Variants in TANC1 observed in about 807,000 individuals in gnomAD.
The protein encoded by TANC1 is tetratricopeptide repeat, ankyrin repeat and coiled-coil containing 1.
In TANC1, 77 loss-of-function variants were observed where a neutral mutation model predicts 149.7. That is an observed-to-expected ratio of 0.51 (90% CI 0.43 to 0.62). The LOEUF (loss-of-function observed/expected upper bound fraction) is 0.62. Ranked by LOEUF, TANC1 falls within the 20% of genes least tolerant of loss-of-function variation. The pLI is 0.00. For synonymous variants in TANC1, 854 were observed against 925.0 expected (o/e 0.92, Z 1.39); for missense variants, 1,985 against 2,321.8 (o/e 0.85, Z 2.98).
chr2:158,987,632 C>T (rs2035164259), intron 1 of TANC1, among the ~76,000 whole-genome samples: 1 of 152,210 alleles, frequency 6.6e-6, no homozygotes, highest in Admixed American at 6.5e-5. Context: ...TCCCCTTCCC[C>T]TCTGTCATGC....
At chr2:159,153,416 C>A (rs2053076840) in intron 7 of TANC1, among the ~76,000 whole-genome samples, 1 of 152,206 alleles carries the variant, frequency 6.6e-6, no homozygotes, top group African/African-American at 2.4e-5. Flanking sequence ...GCTGGTAAGT[C>A]CCTCTCATCC....
chr2:159,020,919 C>G (rs1427849187), intron 2 of TANC1, among the ~76,000 whole-genome samples: 1 of 151,426 alleles, frequency 6.6e-6, no homozygotes, highest in South Asian at 2.1e-4. Context: ...TTTTAGATAC[C>G]GTGGTGCTTC....
At chr2:159,039,208 AT>A (rs1004645038) in intron 2 of TANC1, among the ~76,000 whole-genome samples, 99 of 152,166 alleles carry the variant, frequency 6.5e-4, no homozygotes, top group African/African-American at 2.3e-3. Context: ...CCCCTTTATC[AT>A]TTTTTATTGC....
intron 13 of TANC1, among the ~76,000 whole-genome samples, chr2:159,178,278 T>C (rs2056095303): frequency 6.6e-6 from 1 of 152,262 alleles, no homozygotes; most frequent in African/African-American, 2.4e-5. Context: ...TCGTTGCCGC[T>C]GTCTGCACAG....
rs1361302403 is a variant in TANC1 at position 159,178,804 on chromosome 2, C to T, written c.2151C>T (p.Gly717=). ...TCACCCTGGACCTTTTCCAGAGGGGCCACTTGGTCATTAAGAGTGCCAGCT... is the reference window on the plus strand; with the variant it reads ...TCACCCTGGACCTTTTCCAGAGGGGTCACTTGGTCATTAAGAGTGCCAGCT... ...LKLTLDLFQR[G]HLVIKSASYK... is the part of the protein sequence containing the mutation. The change falls in exon 14 of 27, where the codon GGC becomes GGT. Residue 717 remains glycine (G), a synonymous_variant. Coordinates refer to ENST00000263635, the MANE Select transcript of TANC1 (RefSeq NM_033394.3). 1.2e-6 allele frequency: 2 copies of T among 1,614,220 alleles called. No individual in the cohort carries two copies. Among genetic ancestry groups the T allele is most frequent in the African/African-American group, 1.3e-5 (1 of 75,052 alleles).
chr2:159,194,464 G>T lies in TANC1; in HGVS notation c.2950G>T (p.Val984Leu). 6.2e-7 allele frequency: 1 copy of T among 1,614,244 alleles called. No individual in the cohort carries two copies. The highest frequency in any genetic ancestry group is 8.5e-7 in the Non-Finnish European group (1 of 1,180,038). ...YAAAAGHMKL[V>L]CLLTKKGVRV... ...AGCAGCTGCTGGCCACATGAAGCTG[G>T]TGTGTCTGCTGACCAAGAAGGGAGT... The change falls in exon 17 of 27, where the codon GTG becomes TTG. Residue 984 changes from valine (V) to leucine (L), a missense_variant. By Grantham distance (32) the Val-to-Leu change is conservative. Coordinates refer to ENST00000263635, the MANE Select transcript of TANC1 (RefSeq NM_033394.3).
chr2:159,176,255 G>A, intron 12 of TANC1, 97 bp from the exon 13 acceptor site: 1 of 638,452 alleles, frequency 1.6e-6, no homozygotes, highest in Non-Finnish European at 2.5e-6. Flanking sequence ...AACCTTTTTA[G>A]TTTCTAACAC....
Position 158,998,636 on chromosome 2 carries a change from C to T in TANC1, c.-125-2444C>T, listed in dbSNP as rs6753806. On this transcript the variant is annotated intron_variant, in intron 1 of 26. Transcript: ENST00000263635. The stretch of plus-strand genomic sequence containing the variant: ...GTGATTGGGTGACCCACTGGACTGA[C>T]GTGGATCTGTACTTGTGGGTGCTGG... Among the ~76,000 whole-genome samples the T allele has an allele frequency of 6.0e-3, 921 of 152,270 alleles. 4 individuals carry two copies. Among genetic ancestry groups the T allele is most frequent in the African/African-American group, 0.021 (873 of 41,538 alleles).
At chr2:159,130,648 T>C (rs2049980707) in intron 4 of TANC1, among the ~76,000 whole-genome samples, 1 of 152,214 alleles carries the variant, frequency 6.6e-6, no homozygotes, top group South Asian at 2.1e-4. Context: ...ATGTCCCTTG[T>C]GCCAGTATCC....
At chr2:159,099,594 C>T (rs997008153) in intron 4 of TANC1, among the ~76,000 whole-genome samples, 3 of 151,778 alleles carry the variant, frequency 2.0e-5, no homozygotes, top group Admixed American at 6.6e-5. Context: ...TGTGTGTGTG[C>T]GCACACATTT....
chr2:159,211,068 A>C (rs2058952806), intron 19 of TANC1, among the ~76,000 whole-genome samples: 2 of 151,830 alleles, frequency 1.3e-5, no homozygotes, highest in South Asian at 4.2e-4. Flanking sequence ...GCAGGGTTTC[A>C]CCATGTTGGC....
chr2:159,091,681 G>A (rs2045559398), intron 3 of TANC1, among the ~76,000 whole-genome samples: 2 of 152,188 alleles, frequency 1.3e-5, no homozygotes, highest in African/African-American at 2.4e-5. Context: ...GATTTTTGAA[G>A]ACAAGGATAT....
intron 5 of TANC1, among the ~76,000 whole-genome samples, chr2:159,137,624 G>C (rs527618929): frequency 2.6e-5 from 4 of 152,194 alleles, no homozygotes; most frequent in East Asian, 1.9e-4. Flanking sequence ...TTGATTGTGC[G>C]TTCACGTGGG....
Position 159,189,214 on chromosome 2 carries a change from C to T in TANC1, c.2742+2190C>T, listed in dbSNP as rs565514996. 6.6e-5 allele frequency among the ~76,000 whole-genome samples: 10 copies of T among 152,382 alleles called. No homozygotes were observed. In the South Asian group the frequency reaches 2.1e-3, roughly 32 times the overall value. On this transcript the variant is annotated intron_variant, in intron 16 of 26. Transcript: ENST00000263635. ...TGCCTCATCTCTGGAAACAGTGGCT[C>T]TGCTGTAGGCACCTGGGAAGTTTTG...
Position 159,001,806 on chromosome 2 carries a change from C to A in TANC1, c.-16+617C>A, listed in dbSNP as rs2036635993. Among the ~76,000 whole-genome samples, 1 of 152,082 alleles carries A rather than the reference C, an allele frequency of 6.6e-6. No individual in the cohort carries two copies. The highest frequency in any genetic ancestry group is 2.1e-4 in the South Asian group (1 of 4,824). ...CTGGGCTCAACCAGATCCTCACACT[C>A]CAAAGCCCTTGCTTGTAATTGTTAG... On this transcript the variant is annotated intron_variant, in intron 2 of 26. Coordinates refer to ENST00000263635, the MANE Select transcript of TANC1 (RefSeq NM_033394.3). The surrounding 1 kb of genome is among the most constrained non-coding windows in gnomAD (Gnocchi z 4.3).
chr2:159,202,500 T>C (rs1326856704), intron 19 of TANC1, among the ~76,000 whole-genome samples: 4 of 152,174 alleles, frequency 2.6e-5, no homozygotes, highest in African/African-American at 9.7e-5. Flanking sequence ...CATTTGGTTT[T>C]TGTCTGTCCA....
At chr2:159,107,305 G>A (rs1422700996) in intron 4 of TANC1, among the ~76,000 whole-genome samples, 1 of 152,222 alleles carries the variant, frequency 6.6e-6, no homozygotes, top group Non-Finnish European at 1.5e-5. Flanking sequence ...GGGATTACAG[G>A]CGTGAGCCAC....
At position 159,064,505 on chromosome 2, in the gene TANC1, C is replaced by T. The variant is rs897460627; in HGVS notation, c.-15-1391C>T. 5.3e-5 allele frequency among the ~76,000 whole-genome samples: 8 copies of T among 152,122 alleles called. No individual in the cohort carries two copies. The East Asian group carries it at 5.8e-4, about 11-fold the overall frequency. On this transcript the variant is annotated intron_variant, in intron 2 of 26. Transcript: ENST00000263635. ...CTTTCATTGATCTGTGAGGAGAGACCGGCCTGGTGGAGGGGAGGAAGGTGG... is the reference window on the plus strand; with the variant it reads ...CTTTCATTGATCTGTGAGGAGAGACTGGCCTGGTGGAGGGGAGGAAGGTGG...
At chr2:159,041,411 A>G (rs1043523571) in intron 2 of TANC1, among the ~76,000 whole-genome samples, 4 of 152,196 alleles carry the variant, frequency 2.6e-5, no homozygotes, top group Non-Finnish European at 5.9e-5. Flanking sequence ...AGAGGCAGGC[A>G]GGCCTCCTTG....
Sources: gnomAD v4.1 joint callset for allele counts (sites outside exome capture counted in the v4.1 genomes callset) on GRCh38, gnomAD v4.1.1 for gene constraint, Gnocchi (gnomAD v3.1) non-coding constraint, MANE v1.5 for transcripts, NCBI Gene and HGNC (gene_info 2026-07-23, HGNC 2026-07-21) for gene names.